The following ATXN10 variants were observed in gnomAD, a reference collection of about 807,000 sequenced individuals.
ATXN10 encodes the protein ataxin 10, also known as ataxin-10.
In ATXN10, 28 loss-of-function variants were observed where a neutral mutation model predicts 52.9. That is an observed-to-expected ratio of 0.53 (90% confidence interval 0.39 to 0.73). The LOEUF (loss-of-function observed/expected upper bound fraction) is 0.73. Among genes scored for constraint, ATXN10 ranks in the 30% least tolerant of loss-of-function variants. ATXN10 has a pLI of 0.00. For synonymous variants in ATXN10, 226 were observed against 221.5 expected (o/e 1.02, Z -0.18); for missense variants, 565 against 577.0 (o/e 0.98, Z 0.21).
chr22:45,752,544 G>C (rs1244250085), intron 9 of ATXN10, among the ~76,000 whole-genome samples: 1 of 138,394 alleles, frequency 7.2e-6, no homozygotes, highest in Admixed American at 7.1e-5. Context: ...TGAGGGGTTG[G>C]GGTTGGGGTT....
chr22:45,762,877 G>T lies in ATXN10; in HGVS notation c.1173+22339G>T, dbSNP rs1312605062. Among the ~76,000 whole-genome samples the T allele has an allele frequency of 6.6e-6, 1 of 152,180 alleles. No homozygotes were observed. Among genetic ancestry groups the T allele is most frequent in the East Asian group, 1.9e-4 (1 of 5,186 alleles). ...CCTTGGGTCTGTCTCCATCCCTGTT[G>T]TAGTCCCTCACAGCCCAGACTGTGG... On this transcript the variant is annotated intron_variant, in intron 9 of 11. Transcript: ENST00000252934. This position sits in a 1 kb window ranked among gnomAD's most constrained non-coding sequence, Gnocchi z 4.3.
rs1047864351 is a variant in ATXN10 at position 45,705,365 on chromosome 22, C to T, written c.647+2518C>T. Among the ~76,000 whole-genome samples, 3 of 151,486 alleles carry T rather than the reference C, an allele frequency of 2.0e-5. No individual in the cohort carries two copies. Among genetic ancestry groups the T allele is most frequent in the African/African-American group, 7.3e-5 (3 of 41,242 alleles). On this transcript the variant is annotated intron_variant, in intron 5 of 11. Coordinates refer to ENST00000252934, the MANE Select transcript of ATXN10 (RefSeq NM_013236.4). This position sits in a 1 kb window ranked among gnomAD's most constrained non-coding sequence, Gnocchi z 5.2. ...ATGTGGTAGAATTCACTGGTGAAGC[C>T]ATCTGGTCTTGGGCTTTTTATCATG...
At chr22:45,751,763 A>AAAAAAAAAAAAAATAATAAT in intron 9 of ATXN10, among the ~76,000 whole-genome samples, 53 of 66,592 alleles carry the variant, frequency 8.0e-4, no homozygotes, top group Non-Finnish European at 1.3e-3. Context: ...AATAAAAAAA[A>AAAAAAAAAAAAAATAATAAT]AATAATAATA....
intron 9 of ATXN10, 192 bp downstream of exon 9, chr22:45,740,730 ACACACACACGTGTGTGTGTGTGTG>A: frequency 5.0e-6 from 2 of 400,434 alleles, no homozygotes; most frequent in Non-Finnish European, 8.8e-6. Context: ...ATATATATAC[ACACACACACGTGTGTGTGTGTGTG>A]TATATATATA....
chr22:45,680,515 T>C (rs1922878754), intron 1 of ATXN10, among the ~76,000 whole-genome samples: 1 of 152,208 alleles, frequency 6.6e-6, no homozygotes, highest in African/African-American at 2.4e-5. Context: ...TCTTACTCTC[T>C]GAACTGTCAT....
chr22:45,843,164 G>C lies in ATXN10; in HGVS notation c.1411G>C (p.Asp471His), dbSNP rs770760575. The C allele has an allele frequency of 1.9e-6, 3 of 1,613,978 alleles. No individual in the cohort carries two copies. The highest frequency in any genetic ancestry group is 2.5e-6 in the Non-Finnish European group (3 of 1,179,888). ...AAAGCTGATCCTGAAATCTACTAGA[G>C]ACACCCCTAAGCCAGTAAGTACCCT... ...GEKLILKSTR[D>H]TPKP Residue 471 changes from aspartate to histidine, a missense_variant, in exon 11 of 12, where the codon GAC becomes CAC. Asp to His is a moderately conservative substitution (Grantham distance 81). Transcript: ENST00000252934. This position sits in a 1 kb window ranked among gnomAD's most constrained non-coding sequence, Gnocchi z 4.5.
intron 9 of ATXN10, among the ~76,000 whole-genome samples, chr22:45,773,445 A>ATTAT (rs111706438): frequency 0.19 from 28,118 of 149,256 alleles, 2,828 homozygotes; most frequent in African/African-American, 0.23. Context: ...TGAATGAAGA[A>ATTAT]TTATTTATTT....
At chr22:45,745,451 C>G (rs1194022480) in intron 9 of ATXN10, among the ~76,000 whole-genome samples, 1 of 152,130 alleles carries the variant, frequency 6.6e-6, no homozygotes, top group Admixed American at 6.5e-5. Context: ...TTCCTCCTCC[C>G]TGATTTAAAA....
Position 45,705,356 on chromosome 22 carries a change from T to G in ATXN10, c.647+2509T>G, listed in dbSNP as rs1327287054. 6.6e-6 allele frequency among the ~76,000 whole-genome samples: 1 copy of G among 152,202 alleles called. No individual in the cohort carries two copies. Among genetic ancestry groups the G allele is most frequent in the Non-Finnish European group, 1.5e-5 (1 of 68,030 alleles). On this transcript the variant is annotated intron_variant, in intron 5 of 11. Transcript: ENST00000252934. The surrounding 1 kb of genome is among the most constrained non-coding windows in gnomAD (Gnocchi z 5.2). Reference sequence around the variant, plus strand: ...TCTTTAAATATGTGGTAGAATTCACTGGTGAAGCCATCTGGTCTTGGGCTT... The same window carrying G: ...TCTTTAAATATGTGGTAGAATTCACGGGTGAAGCCATCTGGTCTTGGGCTT...
intron 1 of ATXN10, chr22:45,679,858 C>A (rs192438575): frequency 6.6e-6 from 1 of 152,164 alleles, no homozygotes; most frequent in African/African-American, 2.4e-5. Context: ...TGTGAGCCAC[C>A]TCATACATTC....
chr22:45,698,895 G>A (rs1384692942), intron 3 of ATXN10, among the ~76,000 whole-genome samples: 5 of 152,092 alleles, frequency 3.3e-5, no homozygotes, highest in East Asian at 1.9e-4. Flanking sequence ...CTAACAAAGC[G>A]CCTGTACTTT....
At chr22:45,719,839 ATCAT>A in intron 6 of ATXN10, among the ~76,000 whole-genome samples, 1 of 152,206 alleles carries the variant, frequency 6.6e-6, no homozygotes, top group African/African-American at 2.4e-5. Context: ...ATTTCATCAC[ATCAT>A]TCATTCATCG....
rs544532381 is a variant in ATXN10, at chr22:45,687,779, G to A, written c.117-1933G>A. Among the ~76,000 whole-genome samples the A allele has an allele frequency of 3.7e-4, 57 of 152,230 alleles. No homozygotes were observed. In the South Asian group the frequency reaches 0.012, roughly 31 times the overall value. ...GCTACCTTAAGAATGTTAGTGAATCGGCCAGGTGCAGTGGCTCACACCTGT... is the reference window on the plus strand; with the variant it reads ...GCTACCTTAAGAATGTTAGTGAATCAGCCAGGTGCAGTGGCTCACACCTGT... On this transcript the variant is annotated intron_variant, in intron 1 of 11. Coordinates refer to ENST00000252934, the MANE Select transcript of ATXN10 (RefSeq NM_013236.4).
In ATXN10 at chr22:45,843,249, A is replaced by G; in HGVS notation, c.1425+71A>G. 4.7e-6 allele frequency: 7 copies of G among 1,495,462 alleles called. No individual in the cohort carries two copies. In the South Asian group the frequency reaches 8.0e-5, roughly 17 times the overall value. The allele number at this position is 1,495,462 out of a possible 1,614,324, so 92.6% of individuals were successfully genotyped here. A position where few individuals can be genotyped will look rare whatever the true frequency, so the allele number is the denominator to read the frequency against. ...GCTGTTTCCACTTCCCCATTGCTTC[A>G]AGCACGAGGCTCTTTGTAAGAATAT... On this transcript the variant is annotated intron_variant, in intron 11 of 11. Transcript: ENST00000252934. The surrounding 1 kb of genome is among the most constrained non-coding windows in gnomAD (Gnocchi z 4.5).
chr22:45,801,126 C>T (rs2049792296), intron 9 of ATXN10, among the ~76,000 whole-genome samples: 1 of 152,230 alleles, frequency 6.6e-6, no homozygotes, highest in African/African-American at 2.4e-5. Flanking sequence ...TACAGGTTGG[C>T]TTGGTGGGTG....
In ATXN10 at chr22:45,718,406, T is replaced by C. The variant is rs1326546233; in HGVS notation, c.648-7T>C. ...GTAACCAAACTTTCCTCCTCTTTTT[T>C]CCCTAGGTTCTTGATTATTACAGAC... is the stretch of plus-strand genomic sequence containing the variant. On this transcript the variant is annotated splice_polypyrimidine_tract_variant and splice_region_variant and intron_variant, in intron 5 of 11. Coordinates refer to ENST00000252934, the MANE Select transcript of ATXN10 (RefSeq NM_013236.4). The surrounding 1 kb of genome is among the most constrained non-coding windows in gnomAD (Gnocchi z 4.4). The C allele has an allele frequency of 6.2e-7, 1 of 1,611,086 alleles. No homozygotes were observed. The highest frequency in any genetic ancestry group is 1.7e-5 in the Admixed American group (1 of 59,996).
At chr22:45,746,976 G>A (rs1925754845) in intron 9 of ATXN10, among the ~76,000 whole-genome samples, 2 of 152,062 alleles carry the variant, frequency 1.3e-5, no homozygotes, top group South Asian at 2.1e-4. Context: ...CTTTATTTGG[G>A]TATCACTCAA....
At chr22:45,808,239 G>A (rs1168498726) in intron 10 of ATXN10, among the ~76,000 whole-genome samples, 4 of 152,126 alleles carry the variant, frequency 2.6e-5, no homozygotes, top group Admixed American at 2.0e-4. Flanking sequence ...AAAGAAGAAA[G>A]CTTCTAGTCA....
chr22:45,732,554 A>AT lies in ATXN10; in HGVS notation c.894+2966dup, dbSNP rs1462457069. On this transcript the variant is annotated intron_variant, in intron 7 of 11. Coordinates refer to ENST00000252934, the MANE Select transcript of ATXN10 (RefSeq NM_013236.4). The surrounding 1 kb of genome is among the most constrained non-coding windows in gnomAD (Gnocchi z 4.5). ...AGCTATACATTTATGACTTGTGCGT[A>AT]TTAATGCACATATGTCATACTTTTT... Among the ~76,000 whole-genome samples the AT allele has an allele frequency of 6.6e-6, 1 of 152,022 alleles. No homozygotes were observed. Among genetic ancestry groups the AT allele is most frequent in the Non-Finnish European group, 1.5e-5 (1 of 68,002 alleles).
Sources: gnomAD v4.1 joint callset for allele counts (sites outside exome capture counted in the v4.1 genomes callset) on GRCh38, gnomAD v4.1.1 for gene constraint, Gnocchi (gnomAD v3.1) non-coding constraint, MANE v1.5 for transcripts, NCBI Gene and HGNC (gene_info 2026-07-23, HGNC 2026-07-21) for gene names.